Variants in ARHGAP23 observed in about 807,000 individuals in gnomAD.
ARHGAP23 encodes the protein rho GTPase-activating protein 23.
In ARHGAP23, 34 loss-of-function variants were observed where a neutral mutation model predicts 136.3. The ratio of observed to expected loss-of-function variants is 0.25; its 90% confidence interval spans 0.19 to 0.33. ARHGAP23 has a LOEUF of 0.33. Among genes scored for constraint, ARHGAP23 ranks in the 10% least tolerant of loss-of-function variants. The pLI is 1.00. For synonymous variants in ARHGAP23, 832 were observed against 920.5 expected, an observed-to-expected ratio of 0.90 and a Z score of 1.74; for missense variants, 1,808 against 2,139.0, an observed-to-expected ratio of 0.85 and a Z score of 3.05.
At chr17:38,419,836 A>G (rs1218475477) in intron 1 of ARHGAP23, among the ~76,000 whole-genome samples, 1 of 152,004 alleles carries the variant, frequency 6.6e-6, no homozygotes, top group African/African-American at 2.4e-5. Flanking sequence ...GTTGACCCCC[A>G]GTCCCTCCTG....
At chr17:38,419,580 TCACA>T (rs60358190) in intron 1 of ARHGAP23, among the ~76,000 whole-genome samples, 2,703 of 142,984 alleles carry the variant, frequency 0.019, 26 homozygotes, top group South Asian at 0.053. Flanking sequence ...GACACAGAGC[TCACA>T]CACACACACA....
rs947102609 is a variant in ARHGAP23, at chr17:38,511,257, C to T, written c.*285C>T. ...CCTGCACACATGCGCCCGATAGGTCCTTCTGAGCCTTTCTGTGGCTGCACT... is the reference window on the plus strand; with the variant it reads ...CCTGCACACATGCGCCCGATAGGTCTTTCTGAGCCTTTCTGTGGCTGCACT... On this transcript the variant is annotated 3_prime_UTR_variant, in exon 24 of 24. Transcript: ENST00000622683. 8 of 375,906 alleles carry T rather than the reference C, an allele frequency of 2.1e-5. No individual in the cohort carries two copies. Among genetic ancestry groups the T allele is most frequent in the East Asian group, 8.2e-5 (2 of 24,290 alleles). 23.3% of individuals were successfully genotyped at this position (375,906 alleles called of 1,614,324 possible).
chr17:38,496,044 C>T (rs527825574), intron 20 of ARHGAP23, among the ~76,000 whole-genome samples: 7 of 152,106 alleles, frequency 4.6e-5, no homozygotes, highest in East Asian at 1.9e-4. Flanking sequence ...ATTACAGGTG[C>T]GCACAACCAT....
rs1238741180 is a variant in ARHGAP23 at position 38,467,284 on chromosome 17, C to A, written c.1601C>A (p.Ala534Asp). The A allele has an allele frequency of 2.6e-6, 4 of 1,530,136 alleles. No homozygotes were observed. The highest frequency in any genetic ancestry group is 2.8e-5 in the African/African-American group (2 of 71,746). The allele number at this position is 1,530,136 out of a possible 1,614,324, so 94.8% of individuals were successfully genotyped here. The change falls in exon 7 of 24, where the codon GCC becomes GAC. Residue 534 changes from alanine (A) to aspartate (D), a missense_variant. This residue lies in a region of ARHGAP23 where 859 missense variants were observed against 936.4 expected (regional missense o/e 0.92). Transcript: ENST00000622683. ...GRGERLGRKV[A>D]PLATTEDSLA... ...GGGGAACGCCTGGGCAGGAAGGTGG[C>A]CCCTTTGGCCACCACCGAAGACTCT... is the stretch of plus-strand genomic sequence containing the variant.
chr17:38,492,373 G>C (rs1301526584), intron 20 of ARHGAP23, among the ~76,000 whole-genome samples: 1 of 152,214 alleles, frequency 6.6e-6, no homozygotes, highest in Admixed American at 6.5e-5. Context: ...TCAGAGGAAG[G>C]GAAGCCTCAG....
Position 38,510,621 on chromosome 17 carries a change from G to T in ARHGAP23, c.4125G>T (p.Arg1375Ser). 7.4e-7 allele frequency: 1 copy of T among 1,344,790 alleles called. No individual in the cohort carries two copies. Among genetic ancestry groups the T allele is most frequent in the South Asian group, 1.9e-5 (1 of 53,162 alleles). 83.3% of individuals were successfully genotyped at this position (1,344,790 alleles called of 1,614,324 possible). The change falls in exon 24 of 24, where the codon AGG becomes AGT. Residue 1375 changes from arginine (R) to serine (S), a missense_variant. Arg to Ser is a moderately radical substitution (Grantham distance 110). This residue lies in a region of ARHGAP23 where 506 missense variants were observed against 455.8 expected (regional missense o/e 1.11). Coordinates refer to ENST00000622683, the MANE Select transcript of ARHGAP23 (RefSeq NM_001199417.2). This position sits in a 1 kb window ranked among gnomAD's most constrained non-coding sequence, Gnocchi z 4.6. ...CGCGCATGGAGGCGCTGCGTCTAAG[G>T]CTCCGCGGCACGGCGGACGACATGC... The part of the protein sequence containing the change: ...RPSRMEALRL[R>S]LRGTADDMLA...
chr17:38,437,070 G>A (rs943294020), intron 1 of ARHGAP23, among the ~76,000 whole-genome samples: 1 of 152,148 alleles, frequency 6.6e-6, no homozygotes, highest in Admixed American at 6.6e-5. Flanking sequence ...CAGATGCAAC[G>A]ACTGAGACCT....
chr17:38,490,004 A>T (rs1036598500), intron 17 of ARHGAP23, 98 bp from the exon 18 acceptor site: 42 of 1,154,206 alleles, frequency 3.6e-5, no homozygotes, highest in Admixed American at 8.0e-5. Flanking sequence ...CCCGAACTGG[A>T]GGAGTTCAAA....
At chr17:38,428,222 G>A (rs935395014), upstream of ARHGAP23, among the ~76,000 whole-genome samples, 3 of 152,128 alleles carry the variant, frequency 2.0e-5, no homozygotes, top group Non-Finnish European at 4.4e-5. Context: ...GCCTCTCTTC[G>A]CCAGGCTGGG....
At chr17:38,453,440 TGTGTGTGTGTGTGTGTGTGTGC>T (rs2144585668) in intron 1 of ARHGAP23, among the ~76,000 whole-genome samples, 3 of 140,186 alleles carry the variant, frequency 2.1e-5, no homozygotes, top group African/African-American at 8.3e-5. Flanking sequence ...TGTGTGTGTG[TGTGTGTGTGTGTGTGTGTGTGC>T]GCGCGCGCGC....
chr17:38,491,821 G>C, intron 20 of ARHGAP23: 1 of 444,538 alleles, frequency 2.2e-6, no homozygotes, highest in East Asian at 3.6e-5. Flanking sequence ...AGAGGAGGAA[G>C]GGCAGGGAAG....
chr17:38,461,130 T>C (rs1163990509), intron 3 of ARHGAP23, among the ~76,000 whole-genome samples, 198 bp downstream of exon 3: 3 of 152,186 alleles, frequency 2.0e-5, no homozygotes, highest in Admixed American at 2.0e-4. Context: ...CCTCCCCCTT[T>C]CTTTTCGCAC....
intron 23 of ARHGAP23, among the ~76,000 whole-genome samples, chr17:38,508,800 T>C (rs919405363): frequency 6.6e-6 from 1 of 150,778 alleles, no homozygotes; most frequent in South Asian, 2.1e-4. Context: ...GGGGCAGGGG[T>C]AGGTAGGATG....
intron 2 of ARHGAP23, among the ~76,000 whole-genome samples, chr17:38,459,779 C>T (rs1399238308): frequency 1.3e-5 from 2 of 152,232 alleles, no homozygotes; most frequent in African/African-American, 4.8e-5. Flanking sequence ...CTGCAGGGAG[C>T]TCAGCCGTCC....
chr17:38,507,183 A>G (rs2040652399), intron 23 of ARHGAP23, among the ~76,000 whole-genome samples: 1 of 151,940 alleles, frequency 6.6e-6, no homozygotes, highest in Admixed American at 6.6e-5. Flanking sequence ...CTGAGTCATG[A>G]GAATTGCTTG....
intron 7 of ARHGAP23, 105 bp downstream of exon 7, chr17:38,467,436 G>A: frequency 2.8e-6 from 3 of 1,070,690 alleles, no homozygotes; most frequent in Non-Finnish European, 3.9e-6. Flanking sequence ...TCGGCTGGGT[G>A]CTGGTGGGAT....
In ARHGAP23 at chr17:38,510,098, G is replaced by C; in HGVS notation, c.3602G>C (p.Gly1201Ala). The change falls in exon 24 of 24, where the codon GGG (glycine) becomes GCG (alanine). Residue 1201 changes from glycine to alanine, a missense_variant. Physicochemically the swap from Gly to Ala is moderately conservative, Grantham distance 60 (BLOSUM62 0). Coordinates refer to ENST00000622683, the MANE Select transcript of ARHGAP23 (RefSeq NM_001199417.2). This position sits in a 1 kb window ranked among gnomAD's most constrained non-coding sequence, Gnocchi z 4.6. ...TCGGAGCAGGAGGCGCACAAGCCTGGGGCGGGGGCCACAGCGCCGGGGACT... is the reference window on the plus strand; with the variant it reads ...TCGGAGCAGGAGGCGCACAAGCCTGCGGCGGGGGCCACAGCGCCGGGGACT... ...DDSEQEAHKP[G>A]AGATAPGTQE... is the part of the protein sequence containing the mutation. 2 of 1,245,150 alleles carry C rather than the reference G, an allele frequency of 1.6e-6. No homozygotes were observed. The highest frequency in any genetic ancestry group is 7.6e-5 in the South Asian group (2 of 26,144). 77.1% of individuals were successfully genotyped at this position (1,245,150 alleles called of 1,614,324 possible). A position where few individuals can be genotyped will look rare whatever the true frequency, so the allele number is the denominator to read the frequency against.
intron 19 of ARHGAP23, 116 bp from the exon 20 acceptor site, chr17:38,491,291 C>T (rs929179092): frequency 4.3e-6 from 6 of 1,385,468 alleles, no homozygotes; most frequent in Non-Finnish European, 5.9e-6. Flanking sequence ...AGGGGGTGTC[C>T]ACCCTCTAAG....
chr17:38,447,025 C>T (rs2039049684), intron 1 of ARHGAP23, among the ~76,000 whole-genome samples: 1 of 152,126 alleles, frequency 6.6e-6, no homozygotes, highest in South Asian at 2.1e-4. Context: ...GTTTCCCAGG[C>T]TGGTCTTGCA....
Sources: gnomAD v4.1 joint callset for allele counts (sites outside exome capture counted in the v4.1 genomes callset) on GRCh38, gnomAD v4.1.1 for gene constraint, gnomAD v4.1.1 regional missense constraint, Gnocchi (gnomAD v3.1) non-coding constraint, MANE v1.5 for transcripts, NCBI Gene and HGNC (gene_info 2026-07-23, HGNC 2026-07-21) for gene names.